The following PTPRG variants were observed in gnomAD, a reference collection of about 807,000 sequenced individuals.
PTPRG encodes protein tyrosine phosphatase receptor type G, also known as receptor-type tyrosine-protein phosphatase gamma.
In PTPRG, 102 loss-of-function variants were observed where a neutral mutation model predicts 165.3. That is an observed-to-expected ratio of 0.62 (90% CI 0.53 to 0.73). The LOEUF is 0.73. Ranked by LOEUF, PTPRG falls within the 30% of genes least tolerant of loss-of-function variation. The pLI is 0.00. For missense variants in PTPRG, 1,866 were observed against 1,861.4 expected (o/e 1.00, Z -0.05); for synonymous variants, 675 against 669.5 (o/e 1.01, Z -0.13).
chr3:61,633,937 A>T (rs532108986), intron 1 of PTPRG, among the ~76,000 whole-genome samples: 5 of 151,702 alleles, frequency 3.3e-5, no homozygotes, highest in African/African-American at 1.2e-4. Flanking sequence ...CTTTTTATGA[A>T]AGGGTCTCAG....
In PTPRG at chr3:61,645,661, T is replaced by G. The variant is rs150558905; in HGVS notation, c.85+83289T>G. ...TGGCAAATTTTTTCTCTAAAGGGCC[T>G]GATAGTAGATGCTTTAGATCCTATG... On this transcript the variant is annotated intron_variant, in intron 1 of 29. Coordinates refer to ENST00000474889, the MANE Select transcript of PTPRG (RefSeq NM_002841.4). 7.6e-3 allele frequency among the ~76,000 whole-genome samples: 1,158 copies of G among 152,360 alleles called. 16 individuals carry two copies. The highest frequency in any genetic ancestry group is 0.023 in the African/African-American group (939 of 41,590).
intron 2 of PTPRG, among the ~76,000 whole-genome samples, chr3:61,848,647 TC>T (rs958038026): frequency 2.6e-5 from 4 of 152,198 alleles, no homozygotes; most frequent in Non-Finnish European, 4.4e-5. Flanking sequence ...ACCAGGTTGT[TC>T]CTATAATGAA....
intron 26 of PTPRG, among the ~76,000 whole-genome samples, chr3:62,281,320 G>A (rs1410278134): frequency 6.6e-6 from 1 of 151,888 alleles, no homozygotes; most frequent in African/African-American, 2.4e-5. Context: ...CCTATAGTGG[G>A]AGTGTTTCAG....
At chr3:62,026,003 G>T (rs1464028800) in intron 4 of PTPRG, among the ~76,000 whole-genome samples, 1 of 152,124 alleles carries the variant, frequency 6.6e-6, no homozygotes, top group African/African-American at 2.4e-5. Context: ...TTCAATAAAG[G>T]GTATGTTATT....
chr3:62,137,268 C>T (rs1039123146), intron 6 of PTPRG, among the ~76,000 whole-genome samples: 1 of 152,112 alleles, frequency 6.6e-6, no homozygotes, highest in Admixed American at 6.5e-5. Context: ...TTGCAAGTGG[C>T]CATTTCTGAT....
rs1312052085 is a variant in PTPRG at position 62,255,077 on chromosome 3, T to C, written c.2468-47T>C. On this transcript the variant is annotated intron_variant, in intron 15 of 29. Transcript: ENST00000474889. This position sits in a 1 kb window ranked among gnomAD's most constrained non-coding sequence, Gnocchi z 4.0. ...TTTGCTTTATCAGTGTAATTTGTTT[T>C]ATGGAAGTATTCTATGTAACTTTGA... The C allele has an allele frequency of 2.6e-6, 4 of 1,513,674 alleles. No homozygotes were observed. The highest frequency in any genetic ancestry group is 3.6e-6 in the Non-Finnish European group (4 of 1,102,350). The allele number at this position is 1,513,674 out of a possible 1,614,324, so 93.8% of individuals were successfully genotyped here. A position where few individuals can be genotyped will look rare whatever the true frequency, so the allele number is the denominator to read the frequency against.
intron 1 of PTPRG, among the ~76,000 whole-genome samples, chr3:61,708,213 C>T (rs2031360091): frequency 6.6e-6 from 1 of 151,816 alleles, no homozygotes; most frequent in South Asian, 2.1e-4. Context: ...GTGATCTAAG[C>T]TCATTAAAAA....
chr3:62,143,450 A>G (rs576899557), intron 6 of PTPRG, among the ~76,000 whole-genome samples: 1 of 152,206 alleles, frequency 6.6e-6, no homozygotes, highest in East Asian at 1.9e-4. Context: ...AGCTCCCTGA[A>G]TCAGAGTCCA....
At chr3:61,812,693 TAAG>T (rs2107215451) in intron 2 of PTPRG, among the ~76,000 whole-genome samples, 1 of 152,360 alleles carries the variant, frequency 6.6e-6, no homozygotes, top group South Asian at 2.1e-4. Flanking sequence ...CAAGAGTCTT[TAAG>T]AAGAATGTGT....
In PTPRG at chr3:61,632,680, T is replaced by C. The variant is rs563415033; in HGVS notation, c.85+70308T>C. Among the ~76,000 whole-genome samples the C allele has an allele frequency of 3.3e-5, 5 of 152,226 alleles. No homozygotes were observed. In the South Asian group the frequency reaches 1.0e-3, roughly 32 times the overall value. ...TAATTTAGATAATGACCCAGAGAGG[T>C]AGGGCAACATACCAAGGGCCACCCA... On this transcript the variant is annotated intron_variant, in intron 1 of 29. Coordinates refer to ENST00000474889, the MANE Select transcript of PTPRG (RefSeq NM_002841.4).
At chr3:61,563,424 A>G (rs1699820695) in intron 1 of PTPRG, among the ~76,000 whole-genome samples, 1 of 152,012 alleles carries the variant, frequency 6.6e-6, no homozygotes. Context: ...TGGGGAGGGC[A>G]GAGGCCAGCT....
rs1054674414 is a variant in PTPRG, at chr3:62,180,507, C to T, written c.1034-10962C>T. ...AGAAGGTGGAAGGTCAGAAGCACCA[C>T]GAGGGAAGGATGCTGTGCTCAATTA... On this transcript the variant is annotated intron_variant, in intron 8 of 29. Coordinates refer to ENST00000474889, the MANE Select transcript of PTPRG (RefSeq NM_002841.4). Among the ~76,000 whole-genome samples the T allele has an allele frequency of 1.1e-4, 16 of 152,128 alleles. 1 individual carries two copies. Among genetic ancestry groups the T allele is most frequent in the Non-Finnish European group, 1.5e-4 (10 of 68,022 alleles).
chr3:62,273,804 C>A lies in PTPRG; in HGVS notation c.3425C>A (p.Pro1142Gln), dbSNP rs1433760861. ...LHSYVNSILI[P>Q]GVGGKTRLEK... ...AGCTATGTTAACAGCATCCTTATAC[C>A]AGGAGTAGGAGGAAAGACACGACTG... The change falls in exon 23 of 30, where the codon CCA becomes CAA. Residue 1142 changes from proline to glutamine, a missense_variant. Transcript: ENST00000474889. The surrounding 1 kb of genome is among the most constrained non-coding windows in gnomAD (Gnocchi z 4.1). The A allele has an allele frequency of 6.2e-7, 1 of 1,613,760 alleles. No individual in the cohort carries two copies. Among genetic ancestry groups the A allele is most frequent in the Non-Finnish European group, 8.5e-7 (1 of 1,179,774 alleles).
intron 1 of PTPRG, among the ~76,000 whole-genome samples, chr3:61,655,155 G>A (rs1477548591): frequency 6.6e-6 from 1 of 152,092 alleles, no homozygotes; most frequent in Non-Finnish European, 1.5e-5. Context: ...CATCCTGCAG[G>A]TGGAATGGTT....
intron 2 of PTPRG, among the ~76,000 whole-genome samples, chr3:61,870,002 C>T (rs181149499): frequency 1.2e-3 from 179 of 152,204 alleles, no homozygotes; most frequent in Middle Eastern, 0.01. Context: ...CCTACGTCCC[C>T]TCCCCCTTCG....
intron 1 of PTPRG, among the ~76,000 whole-genome samples, chr3:61,569,415 A>G (rs1235004873): frequency 6.6e-6 from 1 of 152,188 alleles, no homozygotes; most frequent in African/African-American, 2.4e-5. Flanking sequence ...GAGAATGTAT[A>G]TAAGGACTTA....
intron 4 of PTPRG, among the ~76,000 whole-genome samples, chr3:62,041,979 A>G (rs1473400967): frequency 3.3e-5 from 5 of 152,174 alleles, no homozygotes; most frequent in Non-Finnish European, 5.9e-5. Context: ...TTAATGAATG[A>G]TTAAGCATCC....
intron 8 of PTPRG, among the ~76,000 whole-genome samples, chr3:62,188,360 G>A (rs1559622743): frequency 6.6e-6 from 1 of 152,180 alleles, no homozygotes; most frequent in South Asian, 2.1e-4. Context: ...GGGTGACAGA[G>A]TGAGACACCA....
intron 1 of PTPRG, among the ~76,000 whole-genome samples, chr3:61,568,172 A>G (rs1350135442): frequency 2.7e-4 from 41 of 152,324 alleles, no homozygotes; most frequent in East Asian, 1.9e-4. Context: ...AAAATCAATA[A>G]AAAGGATAAG....
Sources: gnomAD v4.1 joint callset for allele counts (sites outside exome capture counted in the v4.1 genomes callset) on GRCh38, gnomAD v4.1.1 for gene constraint, Gnocchi (gnomAD v3.1) non-coding constraint, MANE v1.5 for transcripts, NCBI Gene and HGNC (gene_info 2026-07-23, HGNC 2026-07-21) for gene names.